The following PCDHGA9 variants were observed in gnomAD, a reference collection of about 807,000 sequenced individuals.
The protein encoded by PCDHGA9 is protocadherin gamma-A9.
A neutral mutation model predicts 62.5 loss-of-function variants in PCDHGA9; 37 were observed. The observed-to-expected ratio is 0.59, with a 90% CI of 0.46 to 0.78. PCDHGA9 has a LOEUF of 0.78. Ranked by LOEUF, PCDHGA9 falls within the 30% of genes least tolerant of loss-of-function variation. PCDHGA9 has a pLI of 0.00. For synonymous variants in PCDHGA9, 459 were observed against 484.6 expected (o/e 0.95, Z 0.69); for missense variants, 1,138 against 1,166.2 (o/e 0.98, Z 0.35).
intron 1 of PCDHGA9, chr5:141,417,540 A>G (rs1301087527): frequency 2.0e-5 from 6 of 301,520 alleles, no homozygotes; most frequent in Non-Finnish European, 3.6e-5. Context: ...TTTAAAAAAA[A>G]TTCCTTGAAA....
chr5:141,489,293 T>G lies in PCDHGA9; in HGVS notation c.2425-5514T>G. The G allele has an allele frequency of 6.3e-7, 1 of 1,579,940 alleles. No homozygotes were observed. Among genetic ancestry groups the G allele is most frequent in the Non-Finnish European group, 8.6e-7 (1 of 1,162,928 alleles). ...GCTGGGAAATGGCAAGTGCTGTGCA[T>G]GTTGTCCTTGTGCTGCTGGGGCTGG... On this transcript the variant is annotated intron_variant, in intron 1 of 3. Transcript: ENST00000573521. This position sits in a 1 kb window ranked among gnomAD's most constrained non-coding sequence, Gnocchi z 4.5.
chr5:141,404,787 G>A lies in PCDHGA9; in HGVS notation c.1835G>A (p.Ser612Asn), dbSNP rs1561696267. Residue 612 changes from serine to asparagine, a missense_variant, in exon 1 of 4, where the codon AGT (serine) becomes AAT (asparagine). By Grantham distance (46) the Ser-to-Asn change is conservative. Transcript: ENST00000573521. ...CTCTCCTACCGCCTATTCAAGGCCA[G>A]TGAGCCAGGGCTCTTCTCGGTGGGG... is the stretch of plus-strand genomic sequence containing the variant. ...AWLSYRLFKA[S>N]EPGLFSVGLH... is the part of the protein sequence containing the mutation. 1.4e-5 allele frequency: 23 copies of A among 1,613,988 alleles called. No homozygotes were observed. The highest frequency in any genetic ancestry group is 1.9e-5 in the Non-Finnish European group (22 of 1,180,008).
chr5:141,459,574 T>G (rs1163443021), intron 1 of PCDHGA9, among the ~76,000 whole-genome samples: 6 of 152,226 alleles, frequency 3.9e-5, no homozygotes, highest in African/African-American at 1.4e-4. Flanking sequence ...AAAACAGAAT[T>G]GTTTTGGGGG....
rs772659046 is a variant in PCDHGA9 at position 141,426,970 on chromosome 5, A to C, written c.2424+21594A>C. On this transcript the variant is annotated intron_variant, in intron 1 of 3. Coordinates refer to ENST00000573521, the MANE Select transcript of PCDHGA9 (RefSeq NM_018921.3). Reference sequence around the variant, plus strand: ...ACTGGCACTGCTGCAATTCAAATTGAGGTCACTGATGCCAACGATAATGCC... The same window carrying C: ...ACTGGCACTGCTGCAATTCAAATTGCGGTCACTGATGCCAACGATAATGCC... 72 of 456,624 alleles carry C rather than the reference A, an allele frequency of 1.6e-4. No homozygotes were observed. In the Middle Eastern group the frequency reaches 1.6e-3, roughly 10 times the overall value. The allele number at this position is 456,624 out of a possible 1,614,324, so 28.3% of individuals were successfully genotyped here. A position where few individuals can be genotyped will look rare whatever the true frequency, so the allele number is the denominator to read the frequency against.
At chr5:141,425,860 A>G (rs1445251215) in intron 1 of PCDHGA9, among the ~76,000 whole-genome samples, 1 of 152,248 alleles carries the variant, frequency 6.6e-6, no homozygotes, top group Non-Finnish European at 1.5e-5. Context: ...TGACTGTTCT[A>G]TAGATTCCCA....
Position 141,489,323 on chromosome 5 carries a change from C to T in PCDHGA9, c.2425-5484C>T, listed in dbSNP as rs746520513. 1 of 1,601,632 alleles carries T rather than the reference C, an allele frequency of 6.2e-7. No individual in the cohort carries two copies. Among genetic ancestry groups the T allele is most frequent in the Non-Finnish European group, 8.5e-7 (1 of 1,172,950 alleles). ...TCCTTGTGCTGCTGGGGCTGGGTGT[C>T]TGGGCAGCTTCGTTACTCAGTGGTG... On this transcript the variant is annotated intron_variant, in intron 1 of 3. Coordinates refer to ENST00000573521, the MANE Select transcript of PCDHGA9 (RefSeq NM_018921.3). The surrounding 1 kb of genome is among the most constrained non-coding windows in gnomAD (Gnocchi z 4.5).
intron 1 of PCDHGA9, chr5:141,468,682 C>A (rs377685711): frequency 4.6e-5 from 7 of 151,296 alleles, no homozygotes; most frequent in African/African-American, 1.7e-4. Context: ...CTGGCTAACA[C>A]GGTGAAACCC....
intron 1 of PCDHGA9, chr5:141,423,526 A>G (rs1229909527): frequency 6.2e-7 from 1 of 1,613,690 alleles, no homozygotes; most frequent in Non-Finnish European, 8.5e-7. Flanking sequence ...CTCGCAGAAG[A>G]GTCACCTGAT....
At chr5:141,414,846 G>A in intron 1 of PCDHGA9, 1 of 1,614,218 alleles carries the variant, frequency 6.2e-7, no homozygotes, top group African/African-American at 1.3e-5. Flanking sequence ...TGTTTGTGCT[G>A]GACCAGAACG....
intron 1 of PCDHGA9, among the ~76,000 whole-genome samples, chr5:141,470,205 G>T (rs934926584): frequency 6.6e-6 from 1 of 152,094 alleles, no homozygotes; most frequent in Non-Finnish European, 1.5e-5. Flanking sequence ...AAATATGAAG[G>T]CTAAACCATT....
chr5:141,404,682 T>G lies in PCDHGA9; in HGVS notation c.1730T>G (p.Leu577Arg), dbSNP rs766278950. 2.5e-6 allele frequency: 4 copies of G among 1,613,914 alleles called. No individual in the cohort carries two copies. Among genetic ancestry groups the G allele is most frequent in the Non-Finnish European group, 2.5e-6 (3 of 1,179,906 alleles). The change falls in exon 1 of 4, where the codon CTG becomes CGG. Residue 577 changes from leucine (L) to arginine (R), a missense_variant. Leu to Arg is a moderately radical substitution (Grantham distance 102). Coordinates refer to ENST00000573521, the MANE Select transcript of PCDHGA9 (RefSeq NM_018921.3). ...LPTDGSTGVE[L>R]APRSAEPGYL... ...ACTGATGGTTCTACTGGTGTGGAGC[T>G]GGCACCCCGCTCTGCAGAGCCTGGC...
chr5:141,408,185 C>G, intron 1 of PCDHGA9: 1 of 1,540,440 alleles, frequency 6.5e-7, no homozygotes, highest in Non-Finnish European at 8.8e-7. Context: ...GGGGACCCAG[C>G]GAGAACCCGA....
chr5:141,403,171 G>C lies in PCDHGA9; in HGVS notation c.219G>C (p.Gln73His), dbSNP rs542727163. ...RVRIVSRGRTQLFSLNPRSGT... is the reference protein window; with the variant it reads ...RVRIVSRGRTHLFSLNPRSGT... ...GCATCGTCTCTAGAGGTAGGACGCA[G>C]CTTTTCTCTCTGAACCCGCGCAGCG... Residue 73 changes from glutamine to histidine, a missense_variant, in exon 1 of 4, where the codon CAG becomes CAC. Physicochemically the swap from Gln to His is conservative, Grantham distance 24 (BLOSUM62 0). Transcript: ENST00000573521. 6.2e-7 allele frequency: 1 copy of C among 1,614,042 alleles called. No individual in the cohort carries two copies. The highest frequency in any genetic ancestry group is 1.7e-5 in the Admixed American group (1 of 60,032).
intron 1 of PCDHGA9, chr5:141,416,001 G>C (rs2095980823): frequency 4.0e-6 from 1 of 253,062 alleles, no homozygotes; most frequent in Non-Finnish European, 7.3e-6. Flanking sequence ...AGGCAGGTCT[G>C]GTAAGAATAG....
In PCDHGA9 at chr5:141,431,509, C is replaced by T. The variant is rs774558486; in HGVS notation, c.2424+26133C>T. The T allele has an allele frequency of 3.1e-6, 5 of 1,613,992 alleles. 1 individual carries two copies. In the Admixed American group the frequency reaches 5.0e-5, roughly 16 times the overall value. On this transcript the variant is annotated intron_variant, in intron 1 of 3. Coordinates refer to ENST00000573521, the MANE Select transcript of PCDHGA9 (RefSeq NM_018921.3). This position sits in a 1 kb window ranked among gnomAD's most constrained non-coding sequence, Gnocchi z 4.8. ...TTGCTCAGCCCGAGTACCGCGCGAG[C>T]GTTCCGGAGAATCTGGCCTTGGGCA...
In PCDHGA9 at chr5:141,493,269, C is replaced by T. The variant is rs142898207; in HGVS notation, c.2425-1538C>T. ...ACATGCCTCTCTTATAACAGCTTCA[C>T]AGAGGTCAAGTGACTTGCTCAAGTT... is the stretch of plus-strand genomic sequence containing the variant. On this transcript the variant is annotated intron_variant, in intron 1 of 3. Coordinates refer to ENST00000573521, the MANE Select transcript of PCDHGA9 (RefSeq NM_018921.3). This position sits in a 1 kb window ranked among gnomAD's most constrained non-coding sequence, Gnocchi z 4.3. Among the ~76,000 whole-genome samples the T allele has an allele frequency of 1.3e-5, 2 of 152,322 alleles. No individual in the cohort carries two copies. The highest frequency in any genetic ancestry group is 4.8e-5 in the African/African-American group (2 of 41,570).
chr5:141,441,547 A>G (rs1393958373), intron 1 of PCDHGA9: 1 of 182,772 alleles, frequency 5.5e-6, no homozygotes, highest in Admixed American at 6.4e-5. Context: ...CAAAGCCTCC[A>G]TAGTGTGCAA....
chr5:141,423,753 G>A (rs758300730), intron 1 of PCDHGA9: 1 of 626,096 alleles, frequency 1.6e-6, no homozygotes, highest in Non-Finnish European at 2.0e-6. Context: ...AACTGTTTGG[G>A]GGGGGGGTGG....
chr5:141,486,137 G>A lies in PCDHGA9; in HGVS notation c.2425-8670G>A, dbSNP rs1187526031. 1 of 1,614,074 alleles carries A rather than the reference G, an allele frequency of 6.2e-7. No individual in the cohort carries two copies. On this transcript the variant is annotated intron_variant, in intron 1 of 3. Coordinates refer to ENST00000573521, the MANE Select transcript of PCDHGA9 (RefSeq NM_018921.3). The surrounding 1 kb of genome is among the most constrained non-coding windows in gnomAD (Gnocchi z 5.0). ...GAATTACTATGAATTTGATGTGCGGGCTCGCGATGGGGGTTCTCCAGCCAT... is the reference window on the plus strand; with the variant it reads ...GAATTACTATGAATTTGATGTGCGGACTCGCGATGGGGGTTCTCCAGCCAT...
Sources: gnomAD v4.1 joint callset for allele counts (sites outside exome capture counted in the v4.1 genomes callset) on GRCh38, gnomAD v4.1.1 for gene constraint, Gnocchi (gnomAD v3.1) non-coding constraint, MANE v1.5 for transcripts, NCBI Gene and HGNC (gene_info 2026-07-23, HGNC 2026-07-21) for gene names.